MEGF10: variants seen among roughly 807,000 people sequenced by gnomAD.
The protein encoded by MEGF10 is multiple epidermal growth factor-like domains protein 10.
In MEGF10, 86 loss-of-function variants were observed where a neutral mutation model predicts 147.5. That is an observed-to-expected ratio of 0.58 (90% CI 0.49 to 0.70). The LOEUF (loss-of-function observed/expected upper bound fraction) is 0.70, where lower values mean the gene tolerates loss of function less well. Among genes scored for constraint, MEGF10 ranks in the 30% least tolerant of loss-of-function variants. MEGF10 has a pLI of 0.00. For synonymous variants in MEGF10, 478 were observed against 525.5 expected (o/e 0.91, Z 1.24); for missense variants, 1,329 against 1,487.3 (o/e 0.89, Z 1.75).
intron 22 of MEGF10, 72 bp from the exon 23 acceptor site, chr5:127,454,494 C>A: frequency 7.2e-7 from 1 of 1,387,056 alleles, no homozygotes; most frequent in Non-Finnish European, 1.0e-6. Flanking sequence ...TCTTCCAGGA[C>A]CTTGGGATAT....
intron 5 of MEGF10, among the ~76,000 whole-genome samples, chr5:127,394,872 C>T (rs1763839178): frequency 6.6e-6 from 1 of 152,134 alleles, no homozygotes. Flanking sequence ...TATTAAAATA[C>T]TAATGAGACC....
intron 14 of MEGF10, among the ~76,000 whole-genome samples, chr5:127,434,029 A>G (rs911459572): frequency 6.6e-6 from 1 of 152,246 alleles, no homozygotes; most frequent in Non-Finnish European, 1.5e-5. Flanking sequence ...AAGATTAAGT[A>G]ATCTTTTAGT....
chr5:127,438,250 G>A (rs1765629393), intron 16 of MEGF10, among the ~76,000 whole-genome samples, 189 bp from the exon 17 acceptor site: 1 of 152,194 alleles, frequency 6.6e-6, no homozygotes, highest in African/African-American at 2.4e-5. Flanking sequence ...TGTCAATAAT[G>A]ACAGTCGTTG....
rs1026819611 is a variant in MEGF10, at chr5:127,432,615, A to G, written c.1694-748A>G. 2.0e-5 allele frequency among the ~76,000 whole-genome samples: 3 copies of G among 152,226 alleles called. No individual in the cohort carries two copies. The East Asian group carries it at 5.8e-4, about 29-fold the overall frequency. On this transcript the variant is annotated intron_variant, in intron 13 of 24. Coordinates refer to ENST00000503335, the MANE Select transcript of MEGF10 (RefSeq NM_001256545.2). ...ACAGAAGAGACTTTTATTTATCTCA[A>G]ATAAAACCTGGTTTTAGTTTTATTT...
intron 1 of MEGF10, among the ~76,000 whole-genome samples, chr5:127,322,006 C>A (rs182583250): frequency 1.3e-4 from 20 of 151,678 alleles, no homozygotes; most frequent in African/African-American, 4.6e-4. Context: ...TGGATTTTTT[C>A]CCCTGCTTGT....
At chr5:127,296,950 C>G (rs1454054566) in intron 1 of MEGF10, among the ~76,000 whole-genome samples, 1 of 152,072 alleles carries the variant, frequency 6.6e-6, no homozygotes. Flanking sequence ...TTTTGTTCCA[C>G]CAGTTTTTTT....
intron 2 of MEGF10, among the ~76,000 whole-genome samples, chr5:127,338,469 A>G (rs1761551816): frequency 6.6e-6 from 1 of 152,106 alleles, no homozygotes; most frequent in Non-Finnish European, 1.5e-5. Context: ...GTGAAAATGT[A>G]TTGGAAAACA....
chr5:127,278,062 C>T, the MEGF10 span, among the ~76,000 whole-genome samples: 3 of 151,938 alleles, frequency 2.0e-5, no homozygotes, highest in African/African-American at 4.8e-5. Flanking sequence ...AGTTCTGAGC[C>T]TGAATGAGAT....
the MEGF10 span, among the ~76,000 whole-genome samples, chr5:127,264,692 C>T: frequency 2.6e-5 from 4 of 152,138 alleles, no homozygotes; most frequent in East Asian, 7.7e-4. Context: ...GATTGAATCT[C>T]ATTGTCCTGG....
the MEGF10 span, among the ~76,000 whole-genome samples, chr5:127,243,674 T>C: frequency 6.6e-6 from 1 of 152,088 alleles, no homozygotes; most frequent in East Asian, 1.9e-4. Flanking sequence ...AAAAGGTCAT[T>C]TGTGTATCAT....
At chr5:127,249,362 A>AAGG in the MEGF10 span, among the ~76,000 whole-genome samples, 54 of 151,426 alleles carry the variant, frequency 3.6e-4, no homozygotes, top group African/African-American at 5.8e-4. Context: ...AGAGAAGAAG[A>AAGG]AGGAGGAGGA....
In MEGF10 at chr5:127,438,493, A is replaced by G. The variant is rs1434346599; in HGVS notation, c.2159A>G (p.Asn720Ser). ...PNCIHTCNCHNGAFCSAYDGE... is the reference protein window; with the variant it reads ...PNCIHTCNCHSGAFCSAYDGE... ...TGCATCCACACGTGCAACTGCCATA[A>G]TGGAGCTTTCTGCAGCGCCTACGAT... The change falls in exon 17 of 25, where the codon AAT becomes AGT. Residue 720 changes from asparagine (N) to serine (S), a missense_variant. Physicochemically the swap from Asn to Ser is conservative, Grantham distance 46 (BLOSUM62 1). This residue lies in a region of MEGF10 where 980 missense variants were observed against 1,085.9 expected (regional missense o/e 0.90). Coordinates refer to ENST00000503335, the MANE Select transcript of MEGF10 (RefSeq NM_001256545.2). The G allele has an allele frequency of 1.2e-6, 2 of 1,614,024 alleles. No individual in the cohort carries two copies. Among genetic ancestry groups the G allele is most frequent in the East Asian group, 2.2e-5 (1 of 44,892 alleles).
the MEGF10 span, among the ~76,000 whole-genome samples, chr5:127,247,353 GA>G: frequency 9.8e-4 from 2 of 2,032 alleles, no homozygotes; most frequent in Non-Finnish European, 1.8e-3. Flanking sequence ...AGAAGAAGAA[GA>G]AGAAGAAGAA....
intron 1 of MEGF10, among the ~76,000 whole-genome samples, chr5:127,321,890 C>T (rs904171968): frequency 1.3e-5 from 2 of 152,060 alleles, no homozygotes; most frequent in African/African-American, 4.8e-5. Flanking sequence ...CTCAAGTACC[C>T]TGCTACATGT....
At chr5:127,407,315 A>T (rs1172077769) in intron 8 of MEGF10, among the ~76,000 whole-genome samples, 1 of 152,198 alleles carries the variant, frequency 6.6e-6, no homozygotes, top group Non-Finnish European at 1.5e-5. Flanking sequence ...AAATCACTCT[A>T]GGGAAGGACA....
the MEGF10 span, among the ~76,000 whole-genome samples, chr5:127,248,891 T>C: frequency 6.0e-5 from 9 of 149,406 alleles, no homozygotes; most frequent in Non-Finnish European, 8.9e-5. Context: ...TTCTTCAAGA[T>C]TGAAAAGTAA....
intron 4 of MEGF10, among the ~76,000 whole-genome samples, chr5:127,341,564 G>A (rs1010361150): frequency 5.3e-5 from 8 of 152,070 alleles, no homozygotes; most frequent in African/African-American, 1.9e-4. Context: ...CAGAGATAGG[G>A]CTTGGAATAG....
At chr5:127,383,289 TA>T (rs1763320808) in intron 5 of MEGF10, among the ~76,000 whole-genome samples, 1 of 152,130 alleles carries the variant, frequency 6.6e-6, no homozygotes. Flanking sequence ...TCCGTTACTA[TA>T]AACTTGTATA....
At chr5:127,380,368 A>G (rs6886487) in intron 5 of MEGF10, among the ~76,000 whole-genome samples, 36,470 of 152,016 alleles carry the variant, frequency 0.24, 4,957 homozygotes, top group African/African-American at 0.38. Context: ...AAAGCATCCG[A>G]AGCAGCCAGG....
Sources: allele counts gnomAD v4.1 joint callset (sites outside exome capture counted in the v4.1 genomes callset), GRCh38; gene constraint gnomAD v4.1.1; regional missense constraint gnomAD v4.1.1; transcripts MANE v1.5; gene names NCBI Gene and HGNC (gene_info 2026-07-23, HGNC 2026-07-21).